SGCD: variants seen among roughly 807,000 people sequenced by gnomAD.
The protein encoded by SGCD is sarcoglycan delta, also known as delta-sarcoglycan.
SGCD carries 18 observed loss-of-function variants against 36.6 expected under a neutral mutation model. The observed-to-expected ratio is 0.49, with a 90% CI of 0.34 to 0.73. The LOEUF is 0.73. Ranked by LOEUF, SGCD falls within the 30% of genes least tolerant of loss-of-function variation. The pLI is 0.01. For synonymous variants in SGCD, 133 were observed against 130.6 expected (o/e 1.02, Z -0.12); for missense variants, 387 against 346.7 (o/e 1.12, Z -0.92).
chr5:156,011,565 G>A (rs1020641628), intron 1 of SGCD, among the ~76,000 whole-genome samples: 11 of 151,788 alleles, frequency 7.2e-5, no homozygotes, highest in Admixed American at 4.6e-4. Flanking sequence ...TTAGCCTCCC[G>A]AGTATCTGGG....
intron 3 of SGCD, among the ~76,000 whole-genome samples, chr5:156,259,419 T>C (rs1329672712): frequency 6.6e-6 from 1 of 152,148 alleles, no homozygotes; most frequent in Non-Finnish European, 1.5e-5. Flanking sequence ...TGTCTACTCA[T>C]TTTCTTAATG....
intron 1 of SGCD, among the ~76,000 whole-genome samples, chr5:155,963,965 C>G (rs932133152): frequency 3.4e-4 from 51 of 152,170 alleles, no homozygotes; most frequent in African/African-American, 1.2e-3. Flanking sequence ...CAACAACATT[C>G]GTTGTTCCTA....
intron 1 of SGCD, among the ~76,000 whole-genome samples, chr5:155,926,981 G>A (rs1461986069): frequency 2.0e-5 from 3 of 152,116 alleles, no homozygotes; most frequent in Non-Finnish European, 4.4e-5. Context: ...CTGGCATCTA[G>A]TGGACAAAGA....
In SGCD at chr5:156,013,664, GT is replaced by G. The variant is rs537732288; in HGVS notation, c.-281-104213del. Among the ~76,000 whole-genome samples the G allele has an allele frequency of 5.0e-3, 754 of 152,118 alleles. 7 individuals carry two copies. Among genetic ancestry groups the G allele is most frequent in the African/African-American group, 0.017 (707 of 41,526 alleles). Reference sequence around the variant, plus strand: ...TCTTCTTTATAAATTGATTCTTCATGTCTTTTGCCTATTTTTATATTGAGAG... The same window carrying G: ...TCTTCTTTATAAATTGATTCTTCATGCTTTTGCCTATTTTTATATTGAGAG... On this transcript the variant is annotated intron_variant, in intron 1 of 9. Coordinates refer to the SGCD transcript ENST00000517913.
Position 156,637,545 on chromosome 5 carries a change from T to C in SGCD, c.503-9919T>C, listed in dbSNP as rs374815887. Among the ~76,000 whole-genome samples the C allele has an allele frequency of 2.0e-5, 3 of 152,250 alleles. No homozygotes were observed. The East Asian group carries it at 5.8e-4, about 29-fold the overall frequency. On this transcript the variant is annotated intron_variant, in intron 6 of 8. Transcript: ENST00000337851. Reference sequence around the variant, plus strand: ...TACCCTCTTGTGGACAGTAAAACTTTCTCAGTGCTCCTCCCCAGTAGACAG... The same window carrying C: ...TACCCTCTTGTGGACAGTAAAACTTCCTCAGTGCTCCTCCCCAGTAGACAG...
chr5:155,995,795 G>T (rs1236295536), intron 1 of SGCD, among the ~76,000 whole-genome samples: 1 of 151,470 alleles, frequency 6.6e-6, no homozygotes, highest in Admixed American at 6.6e-5. Context: ...GTGAACCAAT[G>T]GTTAAAAAAA....
chr5:155,815,656 A>C, the SGCD span, among the ~76,000 whole-genome samples: 1 of 152,176 alleles, frequency 6.6e-6, no homozygotes, highest in African/African-American at 2.4e-5. Context: ...CACATCCTAC[A>C]TGGCTGGATT....
chr5:156,294,557 A>T (rs1354427584), intron 3 of SGCD, among the ~76,000 whole-genome samples: 2 of 152,150 alleles, frequency 1.3e-5, no homozygotes, highest in Admixed American at 6.6e-5. Flanking sequence ...TCTTGCCTTG[A>T]TTCTAATCTT....
At chr5:156,464,690 G>T (rs538421362) in intron 3 of SGCD, among the ~76,000 whole-genome samples, 3 of 152,130 alleles carry the variant, frequency 2.0e-5, no homozygotes, top group Non-Finnish European at 4.4e-5. Flanking sequence ...GGAGAAAACT[G>T]GGAATAGTAC....
chr5:155,933,681 C>T (rs1170048612), intron 1 of SGCD, among the ~76,000 whole-genome samples: 1 of 152,194 alleles, frequency 6.6e-6, no homozygotes, highest in Non-Finnish European at 1.5e-5. Context: ...CCATTCTAAG[C>T]TGCAACATTT....
chr5:155,785,081 TGTGTAATA>T, the SGCD span, among the ~76,000 whole-genome samples: 2 of 152,190 alleles, frequency 1.3e-5, no homozygotes, highest in African/African-American at 4.8e-5. Context: ...ATAAGAGATA[TGTGTAATA>T]GCACGGTGTT....
chr5:156,571,481 C>G (rs1033950610), intron 4 of SGCD, among the ~76,000 whole-genome samples: 2 of 152,088 alleles, frequency 1.3e-5, no homozygotes, highest in African/African-American at 4.8e-5. Flanking sequence ...AGGGATCAGT[C>G]TGCTTTAACT....
At chr5:156,628,089 G>A (rs759008650) in intron 6 of SGCD, among the ~76,000 whole-genome samples, 2 of 152,158 alleles carry the variant, frequency 1.3e-5, no homozygotes, top group Admixed American at 6.5e-5. Flanking sequence ...GGCAGAGGGG[G>A]AGCAAGCACA....
chr5:156,269,674 A>T (rs181411756), intron 3 of SGCD, among the ~76,000 whole-genome samples: 1 of 152,104 alleles, frequency 6.6e-6, no homozygotes, highest in Admixed American at 6.5e-5. Flanking sequence ...AAACCTTATC[A>T]GTTCCTTTGC....
the SGCD span, among the ~76,000 whole-genome samples, chr5:155,800,774 C>T: frequency 2.0e-5 from 3 of 152,108 alleles, no homozygotes; most frequent in East Asian, 5.8e-4. Flanking sequence ...TGTCTTTTCT[C>T]CATTTGTTCC....
intron 3 of SGCD, among the ~76,000 whole-genome samples, chr5:156,265,252 G>A (rs1765967266): frequency 6.6e-6 from 1 of 152,108 alleles, no homozygotes; most frequent in Admixed American, 6.6e-5. Context: ...GAATAGTTAT[G>A]CTCTGCCCCC....
At chr5:156,755,980 C>G (rs1757320647) in intron 7 of SGCD, among the ~76,000 whole-genome samples, 1 of 152,168 alleles carries the variant, frequency 6.6e-6, no homozygotes. Context: ...TACTGGTCAG[C>G]TTGCTCTGTT....
chr5:155,955,290 A>T (rs1757628378), intron 1 of SGCD, among the ~76,000 whole-genome samples: 1 of 152,186 alleles, frequency 6.6e-6, no homozygotes, highest in Non-Finnish European at 1.5e-5. Context: ...ATGATTTAGT[A>T]AGTAAATGAA....
chr5:156,243,130 T>G (rs1270511564), intron 3 of SGCD, among the ~76,000 whole-genome samples: 1 of 152,120 alleles, frequency 6.6e-6, no homozygotes, highest in Admixed American at 6.6e-5. Flanking sequence ...CACAAGGTGA[T>G]GAGCATATCT....
Sources: allele counts gnomAD v4.1 joint callset (sites outside exome capture counted in the v4.1 genomes callset), GRCh38; gene constraint gnomAD v4.1.1; transcripts MANE v1.5; gene names NCBI Gene and HGNC (gene_info 2026-07-23, HGNC 2026-07-21).